The following DLGAP3 variants were observed in gnomAD, a reference collection of about 807,000 sequenced individuals.
DLGAP3 encodes DLG associated protein 3.
Under a neutral mutation model 81.2 loss-of-function variants are expected in DLGAP3, and 17 were observed. That is an observed-to-expected ratio of 0.21 (90% confidence interval 0.14 to 0.31). The LOEUF is 0.31. Ranked by LOEUF, DLGAP3 falls within the 10% of genes least tolerant of loss-of-function variation. The probability of loss-of-function intolerance (pLI) is 1.00; values close to 1 mark genes in which losing one functional copy is unlikely to be tolerated. For synonymous variants in DLGAP3, 577 were observed against 587.4 expected, an observed-to-expected ratio of 0.98 and a Z score of 0.26; for missense variants, 1,124 against 1,388.0, an observed-to-expected ratio of 0.81 and a Z score of 3.02.
intron 1 of DLGAP3, among the ~76,000 whole-genome samples, chr1:34,919,531 C>G (rs749828911): frequency 2.0e-5 from 3 of 152,190 alleles, no homozygotes; most frequent in Non-Finnish European, 4.4e-5. Flanking sequence ...GTAATCCCAG[C>G]ACTTTGGGAG....
chr1:34,882,588 C>A (rs769244680), intron 8 of DLGAP3, among the ~76,000 whole-genome samples: 2 of 152,172 alleles, frequency 1.3e-5, no homozygotes, highest in African/African-American at 2.4e-5. Flanking sequence ...TCACAATAGC[C>A]ACCACATTGC....
At chr1:34,914,773 A>G (rs547126941) in intron 1 of DLGAP3, among the ~76,000 whole-genome samples, 34 of 152,352 alleles carry the variant, frequency 2.2e-4, no homozygotes, top group South Asian at 1.7e-3. Context: ...CAGGGAGAGG[A>G]TCTCTAGACA....
At chr1:34,909,295 C>T (rs1639605281) in intron 1 of DLGAP3, among the ~76,000 whole-genome samples, 1 of 152,128 alleles carries the variant, frequency 6.6e-6, no homozygotes, top group Non-Finnish European at 1.5e-5. Flanking sequence ...GAAGATGGGC[C>T]CTATAATTGC....
chr1:34,896,585 T>TCACACACACA (rs10593156), intron 5 of DLGAP3, among the ~76,000 whole-genome samples: 7,670 of 146,784 alleles, frequency 0.052, 295 homozygotes, highest in African/African-American at 0.081. Context: ...CCAGACTCCA[T>TCACACACACA]CACACACACA....
rs949139237 is a variant in DLGAP3, at chr1:34,904,908, G to A, written c.476C>T (p.Ala159Val). Residue 159 changes from alanine to valine, a missense_variant, in exon 3 of 12, where the codon GCC becomes GTC. By Grantham distance (64) the Ala-to-Val change is moderately conservative (BLOSUM62 0). This residue lies in a region of DLGAP3 where 65 missense variants were observed against 78.2 expected (regional missense o/e 0.83). Coordinates refer to ENST00000373347, the MANE Select transcript of DLGAP3 (RefSeq NM_001080418.3). This position sits in a 1 kb window ranked among gnomAD's most constrained non-coding sequence, Gnocchi z 8.1. ...AGGGCTCTCACTGCGGGGCTCTGGG[G>A]CAGTGCCCGTCCCTGGCGCTGGCCC... ...GPGPAPGTGTAPEPRSESPSR... is the reference protein window; with the variant it reads ...GPGPAPGTGTVPEPRSESPSR... 1.2e-6 allele frequency: 2 copies of A among 1,611,598 alleles called. No homozygotes were observed. The highest frequency in any genetic ancestry group is 1.7e-6 in the Non-Finnish European group (2 of 1,179,982).
At chr1:34,917,626 T>G (rs1407039591) in intron 1 of DLGAP3, among the ~76,000 whole-genome samples, 1 of 152,192 alleles carries the variant, frequency 6.6e-6, no homozygotes, top group Non-Finnish European at 1.5e-5. Context: ...ATTATAGGCT[T>G]GAGCCACCGT....
At chr1:34,898,778 T>G (rs1639412749) in intron 5 of DLGAP3, among the ~76,000 whole-genome samples, 1 of 152,220 alleles carries the variant, frequency 6.6e-6, no homozygotes, top group Non-Finnish European at 1.5e-5. Context: ...GTTTAATCAC[T>G]AAATGCTGCT....
rs1423118537 is a variant in DLGAP3 at position 34,900,273 on chromosome 1, C to G, written c.1108G>C (p.Val370Leu). 1 of 1,613,638 alleles carries G rather than the reference C, an allele frequency of 6.2e-7. No individual in the cohort carries two copies. The highest frequency in any genetic ancestry group is 8.5e-7 in the Non-Finnish European group (1 of 1,179,826). ...AKARTYHYLQ[V>L]PQDDWGGYPT... is the part of the protein sequence containing the mutation. ...TAACCCCCCCAGTCATCTTGCGGCA[C>G]CTGCAGGAACAGGGGTCTCTGTCTC... The change falls in exon 4 of 12, where the codon GTG becomes CTG. Residue 370 changes from valine to leucine, a missense_variant and splice_region_variant. Coordinates refer to ENST00000373347, the MANE Select transcript of DLGAP3 (RefSeq NM_001080418.3). This position sits in a 1 kb window ranked among gnomAD's most constrained non-coding sequence, Gnocchi z 5.6.
rs1639572093 is a variant in DLGAP3 at position 34,907,423 on chromosome 1, C to A, written c.-120G>T. 6.6e-6 allele frequency: 1 copy of A among 152,642 alleles called. No individual in the cohort carries two copies. Among genetic ancestry groups the A allele is most frequent in the Non-Finnish European group, 1.5e-5 (1 of 68,074 alleles). 9.5% of individuals were successfully genotyped at this position (152,642 alleles called of 1,614,324 possible). A position where few individuals can be genotyped will look rare whatever the true frequency, so the allele number is the denominator to read the frequency against. ...GGCAGAAGCCTAACTTCAGAAGGCTCAGGACCACTGAATCCTGATGGAAAA... is the reference window on the plus strand; with the variant it reads ...GGCAGAAGCCTAACTTCAGAAGGCTAAGGACCACTGAATCCTGATGGAAAA... On this transcript the variant is annotated 5_prime_UTR_variant, in exon 2 of 12. Transcript: ENST00000373347.
Position 34,923,652 on chromosome 1 carries a change from G to C in DLGAP3, c.-135+5799C>G, listed in dbSNP as rs1261921238. On this transcript the variant is annotated intron_variant, in intron 1 of 11. Coordinates refer to ENST00000373347, the MANE Select transcript of DLGAP3 (RefSeq NM_001080418.3). ...GCTGTTATGTAACCAAGGGAGCTGA[G>C]TGGAGCACAAACACCTCCCCTCCCC... is the stretch of plus-strand genomic sequence containing the variant. 2.0e-5 allele frequency among the ~76,000 whole-genome samples: 3 copies of C among 151,910 alleles called. No homozygotes were observed. In the East Asian group the frequency reaches 5.8e-4, roughly 29 times the overall value.
chr1:34,874,061 T>G (rs1045764361), intron 8 of DLGAP3, among the ~76,000 whole-genome samples: 25 of 152,288 alleles, frequency 1.6e-4, no homozygotes, highest in African/African-American at 6.0e-4. Flanking sequence ...TTCCAGAAAG[T>G]GTCCTTAAAA....
At position 34,904,559 on chromosome 1, in the gene DLGAP3, C is replaced by G. The variant is rs756223853; in HGVS notation, c.825G>C (p.Ala275=). 6 of 1,614,044 alleles carry G rather than the reference C, an allele frequency of 3.7e-6. No individual in the cohort carries two copies. The highest frequency in any genetic ancestry group is 5.1e-6 in the Non-Finnish European group (6 of 1,179,988). The change falls in exon 3 of 12, where the codon GCG becomes GCC. Residue 275 remains alanine (A), a synonymous_variant. Transcript: ENST00000373347. The surrounding 1 kb of genome is among the most constrained non-coding windows in gnomAD (Gnocchi z 8.1). ...DNLDSDSGFL[A]GGRPPGEPGG... ...CAGGCTCCCCAGGGGGCCTCCCACC[C>G]GCCAGGAAGCCGCTATCACTGTCCA...
At chr1:34,870,169 T>G (rs1421132922) in intron 8 of DLGAP3, among the ~76,000 whole-genome samples, 1 of 152,222 alleles carries the variant, frequency 6.6e-6, no homozygotes, top group Non-Finnish European at 1.5e-5. Context: ...GCAAATCTTA[T>G]GCAAACCAAA....
At chr1:34,908,899 C>CA (rs1639598285) in intron 1 of DLGAP3, among the ~76,000 whole-genome samples, 1 of 152,220 alleles carries the variant, frequency 6.6e-6, no homozygotes, top group South Asian at 2.1e-4. Context: ...TTTGGGGAAA[C>CA]AGAGGGAATA....
chr1:34,916,646 TTTTTA>T (rs139003111), intron 1 of DLGAP3, among the ~76,000 whole-genome samples: 4,058 of 138,014 alleles, frequency 0.029, 128 homozygotes, highest in East Asian at 0.12. Context: ...ATACTTTTAT[TTTTTA>T]TTTTATTTTA....
At chr1:34,916,003 T>C (rs761319966) in intron 1 of DLGAP3, among the ~76,000 whole-genome samples, 1 of 151,746 alleles carries the variant, frequency 6.6e-6, no homozygotes, top group Non-Finnish European at 1.5e-5. Context: ...GGGTAAAGAG[T>C]TGTTTGTAAG....
Position 34,904,734 on chromosome 1 carries a change from C to G in DLGAP3, c.650G>C (p.Gly217Ala), listed in dbSNP as rs1165753948. The G allele has an allele frequency of 2.5e-6, 4 of 1,612,280 alleles. No individual in the cohort carries two copies. The highest frequency in any genetic ancestry group is 3.4e-6 in the Non-Finnish European group (4 of 1,180,012). The stretch of plus-strand genomic sequence containing the variant: ...GTGGTGATGGGAGGTGTGGGGGCCT[C>G]CAGAGCCCGGGCCGGGGTAGCTGTC... ...GGDSYPGPGSGGPHTSHHHHH... is the reference protein window; with the variant it reads ...GGDSYPGPGSAGPHTSHHHHH... Residue 217 changes from glycine to alanine, a missense_variant, in exon 3 of 12, where the codon GGA (glycine) becomes GCA (alanine). Coordinates refer to ENST00000373347, the MANE Select transcript of DLGAP3 (RefSeq NM_001080418.3). The surrounding 1 kb of genome is among the most constrained non-coding windows in gnomAD (Gnocchi z 8.1).
chr1:34,905,279 C>T lies in DLGAP3; in HGVS notation c.105G>A (p.Leu35=), dbSNP rs1639530646. 6.3e-7 allele frequency: 1 copy of T among 1,579,748 alleles called. No homozygotes were observed. The highest frequency in any genetic ancestry group is 1.8e-5 in the Admixed American group (1 of 54,780). Residue 35 remains leucine, a synonymous_variant, in exon 3 of 12, where the codon CTG becomes CTA. Coordinates refer to ENST00000373347, the MANE Select transcript of DLGAP3 (RefSeq NM_001080418.3). ...VGPAARAPYL[L]GSREAFSTEP... ...CGGTGGAGAAGGCCTCCCTGGAGCC[C>T]AGCAGGTATGGGGCCCTGGCAGCAG...
intron 1 of DLGAP3, among the ~76,000 whole-genome samples, chr1:34,924,196 G>A (rs1434895566): frequency 6.6e-6 from 1 of 152,138 alleles, no homozygotes; most frequent in Non-Finnish European, 1.5e-5. Flanking sequence ...AAGCCATAAG[G>A]AGAAAGATAT....
Sources: gnomAD v4.1 joint callset for allele counts (sites outside exome capture counted in the v4.1 genomes callset) on GRCh38, gnomAD v4.1.1 for gene constraint, gnomAD v4.1.1 regional missense constraint, Gnocchi (gnomAD v3.1) non-coding constraint, MANE v1.5 for transcripts, NCBI Gene and HGNC (gene_info 2026-07-23, HGNC 2026-07-21) for gene names.